The following SETX variants were observed in gnomAD, a reference collection of about 807,000 sequenced individuals.
The protein encoded by SETX is helicase senataxin.
A neutral mutation model predicts 227.2 loss-of-function variants in SETX; 90 were observed. That is an observed-to-expected ratio of 0.40 (90% CI 0.33 to 0.47). SETX has a LOEUF of 0.47. Among genes scored for constraint, SETX ranks in the 20% least tolerant of loss-of-function variants. SETX has a pLI of 0.91. For missense variants in SETX, 3,052 were observed against 3,181.5 expected (o/e 0.96, Z 0.98); for synonymous variants, 1,210 against 1,113.2 (o/e 1.09, Z -1.73).
intron 10 of SETX, among the ~76,000 whole-genome samples, chr9:132,317,015 G>A (rs1023223126): frequency 7.9e-5 from 12 of 152,158 alleles, no homozygotes; most frequent in African/African-American, 2.7e-4. Context: ...ATTTATAAAT[G>A]AATTCAGAAA....
intron 20 of SETX, 59 bp from the exon 21 acceptor site, chr9:132,278,316 T>C: frequency 1.9e-6 from 3 of 1,550,558 alleles, no homozygotes; most frequent in East Asian, 2.2e-5. Flanking sequence ...TTTCCCACTA[T>C]TATAAACACA....
At position 132,327,779 on chromosome 9, in the gene SETX, T is replaced by C. The variant is rs577999271; in HGVS notation, c.3819A>G (p.Lys1273=). The C allele has an allele frequency of 1.9e-6, 3 of 1,614,172 alleles. No homozygotes were observed. Among genetic ancestry groups the C allele is most frequent in the South Asian group, 1.1e-5 (1 of 91,088 alleles). Residue 1273 remains lysine (K), a synonymous_variant, in exon 10 of 26, where the codon AAA becomes AAG. Coordinates refer to ENST00000224140, the MANE Select transcript of SETX (RefSeq NM_015046.7). ...RTTPAIVPPK[K]FRQCPEPTST... is the part of the protein sequence containing the mutation. The stretch of plus-strand genomic sequence containing the variant: ...AAGTTGGCTCAGGACACTGACGAAA[T>C]TTCTTTGGCGGCACTATAGCAGGAG...
chr9:132,315,509 G>A (rs576796568), intron 10 of SETX, among the ~76,000 whole-genome samples: 1 of 152,254 alleles, frequency 6.6e-6, no homozygotes, highest in East Asian at 1.9e-4. Context: ...ATTCCCATCA[G>A]CATACACACT....
In SETX at chr9:132,326,682, T is replaced by G. The variant is rs150918808; in HGVS notation, c.4916A>C (p.Gln1639Pro). 5.9e-5 allele frequency: 95 copies of G among 1,614,204 alleles called. No individual in the cohort carries two copies. In the African/African-American group the frequency reaches 1.2e-3, roughly 20 times the overall value. Reference sequence around the variant, plus strand: ...CTTCTGAGCTATGAGGGGAACTGGCTGTGGTACTTTCAAAATCGACTGTAT... The same window carrying G: ...CTTCTGAGCTATGAGGGGAACTGGCGGTGGTACTTTCAAAATCGACTGTAT... Reference protein sequence around the residue: ...KGIQSILKVPQPVPLIAQKPV... With the variant: ...KGIQSILKVPPPVPLIAQKPV... The change falls in exon 10 of 26, where the codon CAG becomes CCG. Residue 1639 changes from glutamine to proline, a missense_variant. Physicochemically the swap from Gln to Pro is moderately conservative, Grantham distance 76 (BLOSUM62 -1). Coordinates refer to ENST00000224140, the MANE Select transcript of SETX (RefSeq NM_015046.7).
chr9:132,328,023 T>TA lies in SETX; in HGVS notation c.3574_3575insT (p.Asp1192ValfsTer6). ...ACTTTTAAAATCATTTCCCACAAGA[T>TA]CTCTCTTATTAGTATCAGACTGGCC... On this transcript the variant is annotated frameshift_variant, in exon 10 of 26. Coordinates refer to ENST00000224140, the MANE Select transcript of SETX (RefSeq NM_015046.7). LOFTEE classifies it high-confidence loss of function. The TA allele has an allele frequency of 6.2e-7, 1 of 1,613,952 alleles. No individual in the cohort carries two copies.
intron 4 of SETX, among the ~76,000 whole-genome samples, chr9:132,345,039 A>C (rs528582694): frequency 6.6e-6 from 1 of 152,326 alleles, no homozygotes; most frequent in South Asian, 2.1e-4. Flanking sequence ...GCATTTCCCA[A>C]CCAGGGGTGA....
chr9:132,301,831 G>A (rs1027348490), intron 11 of SETX, among the ~76,000 whole-genome samples: 3 of 152,118 alleles, frequency 2.0e-5, no homozygotes, highest in African/African-American at 4.8e-5. Flanking sequence ...GGGGAAAGAC[G>A]GTTGTAAACT....
intron 10 of SETX, among the ~76,000 whole-genome samples, chr9:132,325,377 G>C (rs1439070877): frequency 6.6e-6 from 1 of 151,768 alleles, no homozygotes; most frequent in African/African-American, 2.4e-5. Context: ...AAAGAAAAAA[G>C]AAAGAAAGAA....
chr9:132,314,621 C>G (rs1441845855), intron 10 of SETX, among the ~76,000 whole-genome samples: 1 of 152,160 alleles, frequency 6.6e-6, no homozygotes, highest in Non-Finnish European at 1.5e-5. Flanking sequence ...CTTCCCACTC[C>G]AGACATGAAC....
chr9:132,338,724 T>A (rs1847788903), intron 5 of SETX, among the ~76,000 whole-genome samples: 1 of 152,216 alleles, frequency 6.6e-6, no homozygotes, highest in Non-Finnish European at 1.5e-5. Flanking sequence ...TTCATCCATA[T>A]TTTTTGTATT....
chr9:132,318,811 C>G (rs764737630), intron 10 of SETX, among the ~76,000 whole-genome samples: 18 of 152,248 alleles, frequency 1.2e-4, no homozygotes, highest in Non-Finnish European at 2.4e-4. Flanking sequence ...GGGTAGTACT[C>G]TAGCCCAGGG....
At chr9:132,335,019 T>C (rs1847499465) in intron 6 of SETX, among the ~76,000 whole-genome samples, 1 of 148,886 alleles carries the variant, frequency 6.7e-6, no homozygotes, top group Non-Finnish European at 1.5e-5. Flanking sequence ...ATATTCCATA[T>C]ACCACTAAGA....
chr9:132,270,161 A>G (rs1214262854), intron 24 of SETX, among the ~76,000 whole-genome samples: 7 of 127,004 alleles, frequency 5.5e-5, no homozygotes, highest in African/African-American at 2.2e-4. Flanking sequence ...CAGCATCCTC[A>G]TGTGAGACAC....
Position 132,271,724 on chromosome 9 carries a change from G to A in SETX, c.7185C>T (p.Ile2395=), listed in dbSNP as rs376161696. The change falls in exon 24 of 26, where the codon ATC becomes ATT. Residue 2395 remains isoleucine (I), a synonymous_variant. Coordinates refer to ENST00000224140, the MANE Select transcript of SETX (RefSeq NM_015046.7). ...VIVTCVRANS[I]QGSIGFLASL... Reference sequence around the variant, plus strand: ...CAGTAACTCACCCAATTGAACCTTGGATGCTATTTGCTCTGACACACGTAA... The same window carrying A: ...CAGTAACTCACCCAATTGAACCTTGAATGCTATTTGCTCTGACACACGTAA... 5.6e-6 allele frequency: 9 copies of A among 1,612,196 alleles called. No individual in the cohort carries two copies. Among genetic ancestry groups the A allele is most frequent in the Non-Finnish European group, 7.6e-6 (9 of 1,179,688 alleles).
chr9:132,300,166 T>C (rs1238284923), intron 12 of SETX, among the ~76,000 whole-genome samples: 14 of 142,846 alleles, frequency 9.8e-5, no homozygotes, highest in Admixed American at 3.5e-4. Flanking sequence ...GGGACAAGTC[T>C]CACTGCATAC....
intron 19 of SETX, among the ~76,000 whole-genome samples, chr9:132,281,867 A>G (rs971955331): frequency 1.3e-5 from 2 of 151,938 alleles, no homozygotes; most frequent in African/African-American, 4.8e-5. Context: ...GGCGCAACCA[A>G]AAAAATTAGC....
Position 132,265,177 on chromosome 9 carries a change from T to TA in SETX, c.7288-193dup, listed in dbSNP as rs76034156. ...ATAAAAAATGATAAAGTCCCATTCC[T>TA]AAAAATAAGACCTGGTCACAACCTA... On this transcript the variant is annotated intron_variant, in intron 25 of 25. Transcript: ENST00000224140. 0.18 allele frequency among the ~76,000 whole-genome samples: 26,882 copies of TA among 148,734 alleles called. 3,087 individuals are homozygous for TA. The highest frequency in any genetic ancestry group is 0.42 in the East Asian group (2,136 of 5,044).
intron 10 of SETX, 57 bp from the exon 11 acceptor site, chr9:132,311,913 T>C (rs1043329138): frequency 4.6e-6 from 6 of 1,302,974 alleles, no homozygotes; most frequent in African/African-American, 4.4e-5. Flanking sequence ...TGATGCTAAA[T>C]AGTAACATTT....
chr9:132,345,577 A>G (rs1589781870), intron 4 of SETX, among the ~76,000 whole-genome samples: 1 of 152,074 alleles, frequency 6.6e-6, no homozygotes, highest in African/African-American at 2.4e-5. Context: ...CCCGGCGAGA[A>G]TGAAAATTAT....
Sources: allele counts gnomAD v4.1 joint callset (sites outside exome capture counted in the v4.1 genomes callset), GRCh38; gene constraint gnomAD v4.1.1; transcripts MANE v1.5; gene names NCBI Gene and HGNC (gene_info 2026-07-23, HGNC 2026-07-21).